EXOC6B: variants seen among roughly 807,000 people sequenced by gnomAD.
The protein encoded by EXOC6B is exocyst complex component 6B.
A neutral mutation model predicts 113.5 loss-of-function variants in EXOC6B; 54 were observed. That is an observed-to-expected ratio of 0.48 (90% CI 0.38 to 0.60). EXOC6B has a LOEUF of 0.60. Ranked by LOEUF, EXOC6B falls within the 20% of genes least tolerant of loss-of-function variation. EXOC6B has a pLI of 0.00. For synonymous variants in EXOC6B, 357 were observed against 339.0 expected (o/e 1.05, Z -0.58); for missense variants, 797 against 977.5 (o/e 0.82, Z 2.46).
chr2:72,599,253 A>G (rs1220804451), intron 6 of EXOC6B, among the ~76,000 whole-genome samples: 1 of 152,144 alleles, frequency 6.6e-6, no homozygotes, highest in Non-Finnish European at 1.5e-5. Context: ...GTTTGACATT[A>G]AGAAATCAAT....
intron 8 of EXOC6B, among the ~76,000 whole-genome samples, chr2:72,543,723 C>T (rs1328551698): frequency 6.6e-6 from 1 of 152,128 alleles, no homozygotes; most frequent in African/African-American, 2.4e-5. Context: ...TTCCTGTGTC[C>T]TTATCAATGC....
At chr2:72,726,053 A>G (rs1680282761) in intron 5 of EXOC6B, among the ~76,000 whole-genome samples, 1 of 152,216 alleles carries the variant, frequency 6.6e-6, no homozygotes. Flanking sequence ...ATAAAAAGGA[A>G]TGAAACAGTG....
chr2:72,302,868 T>C (rs1686615833), intron 20 of EXOC6B, among the ~76,000 whole-genome samples: 1 of 152,208 alleles, frequency 6.6e-6, no homozygotes, highest in Non-Finnish European at 1.5e-5. Context: ...ATTGTGTTGT[T>C]AGCCGGTTGT....
chr2:72,348,271 A>ATAGT (rs1416988609), intron 19 of EXOC6B, among the ~76,000 whole-genome samples: 1 of 152,176 alleles, frequency 6.6e-6, no homozygotes, highest in Non-Finnish European at 1.5e-5. Flanking sequence ...ACCTCCTAAT[A>ATAGT]TAGTTCCCTT....
chr2:72,207,712 T>A (rs1005665597), intron 20 of EXOC6B, among the ~76,000 whole-genome samples: 1 of 152,220 alleles, frequency 6.6e-6, no homozygotes, highest in Non-Finnish European at 1.5e-5. Flanking sequence ...AAGTATTAGA[T>A]GTTTTGATGT....
intron 6 of EXOC6B, among the ~76,000 whole-genome samples, chr2:72,612,222 C>G (rs1466200901): frequency 6.6e-6 from 1 of 151,924 alleles, no homozygotes; most frequent in Non-Finnish European, 1.5e-5. Context: ...TTGCAGTGAG[C>G]TGAGATCACA....
intron 20 of EXOC6B, chr2:72,288,798 C>T: frequency 5.8e-6 from 1 of 171,434 alleles, no homozygotes; most frequent in Non-Finnish European, 1.2e-5. Context: ...GAGGCAAATG[C>T]CACATTCTTA....
At chr2:72,421,999 C>T (rs980219183) in intron 18 of EXOC6B, among the ~76,000 whole-genome samples, 2 of 152,220 alleles carry the variant, frequency 1.3e-5, no homozygotes, top group Non-Finnish European at 2.9e-5. Context: ...TGTACTGGGT[C>T]CCCCAGCAGT....
chr2:72,605,286 A>C (rs952824375), intron 6 of EXOC6B, among the ~76,000 whole-genome samples: 2 of 137,888 alleles, frequency 1.5e-5, no homozygotes, highest in Non-Finnish European at 1.5e-5. Context: ...TCTGTCTCCC[A>C]AAAAAAAAAA....
At chr2:72,507,607 C>T (rs1258047955) in intron 11 of EXOC6B, among the ~76,000 whole-genome samples, 2 of 152,090 alleles carry the variant, frequency 1.3e-5, no homozygotes, top group African/African-American at 4.8e-5. Flanking sequence ...AAACTCCATA[C>T]ATACCCTTTA....
chr2:72,608,679 A>G (rs182080773), intron 6 of EXOC6B, among the ~76,000 whole-genome samples: 1 of 152,320 alleles, frequency 6.6e-6, no homozygotes, highest in East Asian at 1.9e-4. Flanking sequence ...TAAATGTTAA[A>G]AAAAGGAGTT....
intron 1 of EXOC6B, among the ~76,000 whole-genome samples, chr2:72,800,073 A>C (rs1000203761): frequency 6.6e-6 from 1 of 152,192 alleles, no homozygotes; most frequent in Non-Finnish European, 1.5e-5. Flanking sequence ...TCAAAAAAAA[A>C]ATAGTACACA....
intron 20 of EXOC6B, among the ~76,000 whole-genome samples, chr2:72,197,957 T>C (rs1483377703): frequency 6.6e-6 from 1 of 152,182 alleles, no homozygotes; most frequent in East Asian, 1.9e-4. Flanking sequence ...TATAGGGTTT[T>C]GAAGCTGGAT....
At chr2:72,773,120 CTTTTTTT>C (rs1254377634) in intron 1 of EXOC6B, among the ~76,000 whole-genome samples, 23 of 94,892 alleles carry the variant, frequency 2.4e-4, no homozygotes, top group African/African-American at 6.6e-4. Context: ...CTTAGATTTT[CTTTTTTT>C]TTTTTTTTTT....
chr2:72,400,381 T>C (rs926595154), intron 18 of EXOC6B, among the ~76,000 whole-genome samples: 5 of 151,892 alleles, frequency 3.3e-5, no homozygotes, highest in African/African-American at 1.2e-4. Context: ...GGGAAACAAT[T>C]TATGACTAAG....
intron 18 of EXOC6B, among the ~76,000 whole-genome samples, chr2:72,447,334 C>A (rs1052729333): frequency 6.6e-6 from 1 of 151,992 alleles, no homozygotes; most frequent in African/African-American, 2.4e-5. Context: ...TGATAGACAC[C>A]TAAGAAATGT....
Position 72,825,754 on chromosome 2 carries a change from T to TG in EXOC6B, c.113+43_113+44insC. The TG allele has an allele frequency of 1.3e-6, 2 of 1,587,914 alleles. No individual in the cohort carries two copies. Among genetic ancestry groups the TG allele is most frequent in the Non-Finnish European group, 8.6e-7 (1 of 1,169,494 alleles). On this transcript the variant is annotated intron_variant, in intron 1 of 21. Coordinates refer to ENST00000272427, the MANE Select transcript of EXOC6B (RefSeq NM_015189.3). The surrounding 1 kb of genome is among the most constrained non-coding windows in gnomAD (Gnocchi z 4.4). ...GCCCGACCCAGAGGAGCCTGCCCCG[T>TG]CCCGCCCGTTCCCGCCCCTCTGTGG...
intron 6 of EXOC6B, among the ~76,000 whole-genome samples, chr2:72,603,895 C>A (rs1270164077): frequency 1.3e-5 from 2 of 152,022 alleles, no homozygotes; most frequent in Middle Eastern, 3.2e-3. Context: ...TTTCCCTTAC[C>A]CAAGTTAACA....
intron 18 of EXOC6B, among the ~76,000 whole-genome samples, chr2:72,442,324 C>T (rs938322786): frequency 6.2e-5 from 9 of 145,016 alleles, no homozygotes; most frequent in Non-Finnish European, 1.4e-4. Flanking sequence ...TGAACACATT[C>T]CCCCCCGCAA....
Sources: allele counts gnomAD v4.1 joint callset (sites outside exome capture counted in the v4.1 genomes callset), GRCh38; gene constraint gnomAD v4.1.1; non-coding constraint Gnocchi (gnomAD v3.1); transcripts MANE v1.5; gene names NCBI Gene and HGNC (gene_info 2026-07-23, HGNC 2026-07-21).